Variants in CFAP20 observed in about 807,000 individuals in gnomAD.
CFAP20 encodes cilia and flagella associated protein 20.
In CFAP20, 14 loss-of-function variants were observed where a neutral mutation model predicts 25.5. That is an observed-to-expected ratio of 0.55 (90% CI 0.36 to 0.86). The LOEUF is 0.86. Ranked by LOEUF, CFAP20 falls within the 40% of genes least tolerant of loss-of-function variation. The pLI is 0.01. For missense variants in CFAP20, 181 were observed against 248.0 expected (o/e 0.73, Z 1.81); for synonymous variants, 75 against 91.1 (o/e 0.82, Z 1.01).
rs1960674165 is a variant in CFAP20, at chr16:58,129,189, C to G, written c.-74G>C. 6.6e-7 allele frequency: 1 copy of G among 1,515,610 alleles called. No homozygotes were observed. The highest frequency in any genetic ancestry group is 2.3e-5 in the East Asian group (1 of 43,060). 93.9% of individuals were successfully genotyped at this position (1,515,610 alleles called of 1,614,324 possible). On this transcript the variant is annotated 5_prime_UTR_variant, in exon 1 of 6. Transcript: ENST00000262498. ...CGGAGTAGATACAGGCACCGAGCGT[C>G]GAGGGCACAGCAGCAGGCCGGCCCT...
chr16:58,113,757 G>C lies in CFAP20; in HGVS notation c.*268C>G. 1 of 466,334 alleles carries C rather than the reference G, an allele frequency of 2.1e-6. No individual in the cohort carries two copies. Among genetic ancestry groups the C allele is most frequent in the South Asian group, 3.0e-5 (1 of 33,590 alleles). 28.9% of individuals were successfully genotyped at this position (466,334 alleles called of 1,614,324 possible). A position where few individuals can be genotyped will look rare whatever the true frequency, so the allele number is the denominator to read the frequency against. ...TTAATTCTGTAAGTTCATGGTAAAG[G>C]TATCTCCCCCCACACTGGGGCAGGC... is the stretch of plus-strand genomic sequence containing the variant. On this transcript the variant is annotated 3_prime_UTR_variant, in exon 6 of 6. Transcript: ENST00000262498.
chr16:58,117,145 T>C (rs1417900722), intron 1 of CFAP20, 194 bp from the exon 2 acceptor site: 1 of 550,544 alleles, frequency 1.8e-6, no homozygotes, highest in East Asian at 3.0e-5. Flanking sequence ...CCAGGTAACT[T>C]GGCAATCCCT....
At chr16:58,118,718 A>C (rs1282113963) in intron 1 of CFAP20, among the ~76,000 whole-genome samples, 2 of 151,864 alleles carry the variant, frequency 1.3e-5, no homozygotes, top group African/African-American at 2.4e-5. Context: ...GTTCCTCAGG[A>C]GGCTGAGGTG....
intron 2 of CFAP20, 154 bp downstream of exon 2, chr16:58,116,718 C>T: frequency 1.6e-6 from 1 of 635,406 alleles, no homozygotes. Flanking sequence ...ATGCTAAGGT[C>T]TGGGGGATTC....
chr16:58,120,287 G>C (rs1358342230), intron 1 of CFAP20, among the ~76,000 whole-genome samples: 1 of 152,214 alleles, frequency 6.6e-6, no homozygotes, highest in Non-Finnish European at 1.5e-5. Flanking sequence ...AAATTGACAG[G>C]ATTAAGAAGT....
Position 58,115,439 on chromosome 16 carries a change from C to T in CFAP20, c.295G>A (p.Val99Met). 6.2e-7 allele frequency: 1 copy of T among 1,614,208 alleles called. No individual in the cohort carries two copies. Among genetic ancestry groups the T allele is most frequent in the Non-Finnish European group, 8.5e-7 (1 of 1,180,040 alleles). Reference sequence around the variant, plus strand: ...TTACTTGCCCGAAAGCGACGACGCACATTCTTGTCATCTAGTACCTGTGAA... The same window carrying T: ...TTACTTGCCCGAAAGCGACGACGCATATTCTTGTCATCTAGTACCTGTGAA... The part of the protein sequence containing the change: ...FEVQVLDDKN[V>M]RRRFRASNYQ... The change falls in exon 4 of 6, where the codon GTG (valine) becomes ATG (methionine). Residue 99 changes from valine (V) to methionine (M), a missense_variant. Physicochemically the swap from Val to Met is conservative, Grantham distance 21 (BLOSUM62 1). Transcript: ENST00000262498.
rs574037205 is a variant in CFAP20 at position 58,123,595 on chromosome 16, C to CAAAAA, written c.84+5432_84+5436dup. Among the ~76,000 whole-genome samples the CAAAAA allele has an allele frequency of 2.5e-3, 113 of 45,714 alleles. 4 individuals carry two copies. Among genetic ancestry groups the CAAAAA allele is most frequent in the Non-Finnish European group, 3.4e-3 (79 of 23,522 alleles). 30.0% of individuals were successfully genotyped at this position (45,714 alleles called of 152,430 possible). ...TGGGGGACAGAGCAAGACTCTGTCTCAAAAAAAAAAAAAAAAAAAAAAAAA... is the reference window on the plus strand; with the variant it reads ...TGGGGGACAGAGCAAGACTCTGTCTCAAAAAAAAAAAAAAAAAAAAAAAAAAAAAA... On this transcript the variant is annotated intron_variant, in intron 1 of 5. Transcript: ENST00000262498.
intron 1 of CFAP20, among the ~76,000 whole-genome samples, chr16:58,128,652 A>G (rs182919126): frequency 1.6e-4 from 25 of 152,286 alleles, no homozygotes; most frequent in African/African-American, 5.8e-4. Context: ...GCTCCTTCAA[A>G]TAAGTTCGTG....
rs567259539 is a variant in CFAP20, at chr16:58,129,163, C to T, written c.-48G>A. On this transcript the variant is annotated 5_prime_UTR_variant, in exon 1 of 6. Transcript: ENST00000262498. ...GCCGCCCCCGGAGCCGACCTAGGCC[C>T]CGGAGTAGATACAGGCACCGAGCGT... 4 of 1,600,480 alleles carry T rather than the reference C, an allele frequency of 2.5e-6. No homozygotes were observed. The African/African-American group carries it at 5.4e-5, about 21-fold the overall frequency.
chr16:58,127,307 C>T (rs1239367509), intron 1 of CFAP20, among the ~76,000 whole-genome samples: 1 of 152,198 alleles, frequency 6.6e-6, no homozygotes, highest in Non-Finnish European at 1.5e-5. Context: ...AATTCTGAGG[C>T]CTCCCTACTA....
At position 58,115,368 on chromosome 16, in the gene CFAP20, G is replaced by A. The variant is rs554565830; in HGVS notation, c.366C>T (p.Pro122=). The change falls in exon 4 of 6, where the codon CCC becomes CCT. Residue 122 remains proline, a synonymous_variant. Transcript: ENST00000262498. ...TRVKPFICTM[P]MRLDDGWNQI... ...GGTTCCAGCCGTCATCCAGCCGCAT[G>A]GGCATGGTGCAGATGAAGGGTTTGA... is the stretch of plus-strand genomic sequence containing the variant. The A allele has an allele frequency of 2.2e-5, 36 of 1,614,256 alleles. 1 individual carries two copies. In the South Asian group the frequency reaches 3.7e-4, roughly 17 times the overall value.
Position 58,126,019 on chromosome 16 carries a change from T to C in CFAP20, c.84+3013A>G, listed in dbSNP as rs117630094. 6.3e-3 allele frequency among the ~76,000 whole-genome samples: 961 copies of C among 152,360 alleles called. 4 individuals carry two copies. Among genetic ancestry groups the C allele is most frequent in the Non-Finnish European group, 7.5e-3 (509 of 68,042 alleles). ...TAACTCTGTTGCTAAGGACTTTATA[T>C]ACAGCTTCATTGAATCTTCATAACC... is the stretch of plus-strand genomic sequence containing the variant. On this transcript the variant is annotated intron_variant, in intron 1 of 5. Coordinates refer to ENST00000262498, the MANE Select transcript of CFAP20 (RefSeq NM_013242.3).
intron 3 of CFAP20, chr16:58,115,814 C>T: frequency 2.0e-6 from 1 of 512,520 alleles, no homozygotes; most frequent in Non-Finnish European, 3.5e-6. Flanking sequence ...AACTCTGACA[C>T]TTTGAAATTA....
intron 1 of CFAP20, among the ~76,000 whole-genome samples, chr16:58,127,853 C>T (rs1960638602): frequency 6.6e-6 from 1 of 152,194 alleles, no homozygotes; most frequent in African/African-American, 2.4e-5. Flanking sequence ...AGGCAGAAAG[C>T]TGCTCATGTT....
intron 2 of CFAP20, 87 bp from the exon 3 acceptor site, chr16:58,116,239 T>C (rs1960456826): frequency 1.1e-6 from 1 of 938,220 alleles, no homozygotes; most frequent in East Asian, 2.5e-5. Flanking sequence ...TCCAAGAGGA[T>C]ACACTGGAAA....
In CFAP20 at chr16:58,128,526, G is replaced by A. The variant is rs982433144; in HGVS notation, c.84+506C>T. On this transcript the variant is annotated intron_variant, in intron 1 of 5. Coordinates refer to ENST00000262498, the MANE Select transcript of CFAP20 (RefSeq NM_013242.3). ...TCTTTCTGTCTGCTCCTCTGTAAGG[G>A]TGCCTGAACAAAGGCTCTGTGTCTA... Among the ~76,000 whole-genome samples, 13 of 152,158 alleles carry A rather than the reference G, an allele frequency of 8.5e-5. No homozygotes were observed. The South Asian group carries it at 2.1e-3, about 24-fold the overall frequency.
At chr16:58,128,119 C>T (rs1259353978) in intron 1 of CFAP20, among the ~76,000 whole-genome samples, 1 of 152,216 alleles carries the variant, frequency 6.6e-6, no homozygotes, top group East Asian at 1.9e-4. Flanking sequence ...AGAAATAGTA[C>T]AGCTGATTGC....
rs1486578215 is a variant in CFAP20 at position 58,113,999 on chromosome 16, G to T, written c.*26C>A. ...TTAAAAAGAAGAGTCACATCCAGGG[G>T]TCTATCCCTCGAGTCACAATTCCAG... On this transcript the variant is annotated 3_prime_UTR_variant, in exon 6 of 6. Coordinates refer to ENST00000262498, the MANE Select transcript of CFAP20 (RefSeq NM_013242.3). The T allele has an allele frequency of 3.1e-6, 5 of 1,610,050 alleles. No individual in the cohort carries two copies. In the African/African-American group the frequency reaches 5.3e-5, roughly 17 times the overall value.
Position 58,129,023 on chromosome 16 carries a change from T to G in CFAP20, c.84+9A>C. ...CTCCACCCCGCCCCGTCGCCGCCCC[T>G]AGCCCGACCTTTTTGTCCCAGATTT... On this transcript the variant is annotated intron_variant, in intron 1 of 5. Coordinates refer to ENST00000262498, the MANE Select transcript of CFAP20 (RefSeq NM_013242.3). The G allele has an allele frequency of 7.0e-7, 1 of 1,422,374 alleles. No homozygotes were observed. The highest frequency in any genetic ancestry group is 9.5e-7 in the Non-Finnish European group (1 of 1,054,502). 88.1% of individuals were successfully genotyped at this position (1,422,374 alleles called of 1,614,324 possible).
Sources: allele counts gnomAD v4.1 joint callset (sites outside exome capture counted in the v4.1 genomes callset), GRCh38; gene constraint gnomAD v4.1.1; transcripts MANE v1.5; gene names NCBI Gene and HGNC (gene_info 2026-07-23, HGNC 2026-07-21).